The following PTTG1IP variants were observed in gnomAD, a reference collection of about 807,000 sequenced individuals.
The protein encoded by PTTG1IP is PTTG1 interacting protein.
PTTG1IP carries 16 observed loss-of-function variants against 24.4 expected under a neutral mutation model. That is an observed-to-expected ratio of 0.66 (90% confidence interval 0.44 to 1.00). The LOEUF is 1.00. Among genes scored for constraint, PTTG1IP ranks in the 50% least tolerant of loss-of-function variants. PTTG1IP has a pLI of 0.00. For missense variants in PTTG1IP, 241 were observed against 245.8 expected (o/e 0.98, Z 0.13); for synonymous variants, 89 against 96.8 (o/e 0.92, Z 0.47).
intron 1 of PTTG1IP, among the ~76,000 whole-genome samples, chr21:44,872,082 A>G (rs555323939): frequency 6.6e-6 from 1 of 152,308 alleles, no homozygotes; most frequent in African/African-American, 2.4e-5. Flanking sequence ...CGCTTTCACA[A>G]TGCAAGCAAA....
chr21:44,873,565 CGAG>C lies in PTTG1IP; in HGVS notation c.49_51del (p.Leu17del), dbSNP rs1569329176. ...AGCAGCAGGAGCAGCGCGGCGCCAC[CGAG>C]GCGCAACCTCCAGTACGGCGTCGGC... On this transcript the variant is annotated inframe_deletion, in exon 1 of 6. Transcript: ENST00000330938. 6.8e-7 allele frequency: 1 copy of C among 1,472,614 alleles called. No individual in the cohort carries two copies. Among genetic ancestry groups the C allele is most frequent in the Non-Finnish European group, 8.9e-7 (1 of 1,117,678 alleles). 91.2% of individuals were successfully genotyped at this position (1,472,614 alleles called of 1,614,324 possible). A position where few individuals can be genotyped will look rare whatever the true frequency, so the allele number is the denominator to read the frequency against.
At chr21:44,853,558 A>T (rs2083426379) in intron 5 of PTTG1IP, among the ~76,000 whole-genome samples, 1 of 150,954 alleles carries the variant, frequency 6.6e-6, no homozygotes, top group South Asian at 2.1e-4. Context: ...TGACTCTTCC[A>T]TTTCAAGGAA....
At chr21:44,872,823 T>C (rs235371) in intron 1 of PTTG1IP, 102,207 of 152,320 alleles carry the variant, frequency 0.67, 34,767 homozygotes, top group African/African-American at 0.78. Context: ...CAGGGCCTGG[T>C]GCAGACGGGA....
chr21:44,853,979 G>C (rs571688220), intron 5 of PTTG1IP, among the ~76,000 whole-genome samples: 3 of 152,324 alleles, frequency 2.0e-5, no homozygotes, highest in African/African-American at 7.2e-5. Context: ...TTTCCAAGGA[G>C]GCCAGAACTG....
chr21:44,854,627 A>C (rs57679630), intron 5 of PTTG1IP, among the ~76,000 whole-genome samples: 1 of 152,262 alleles, frequency 6.6e-6, no homozygotes, highest in Non-Finnish European at 1.5e-5. Context: ...TAGATAACGT[A>C]ATGTGTATTT....
intron 2 of PTTG1IP, among the ~76,000 whole-genome samples, chr21:44,862,146 G>A (rs566015054): frequency 2.0e-5 from 3 of 152,356 alleles, no homozygotes; most frequent in African/African-American, 7.2e-5. Flanking sequence ...AACGAGGCCC[G>A]AAAGCGGTCT....
At chr21:44,865,609 A>G (rs533248361) in intron 1 of PTTG1IP, 162 bp from the exon 2 acceptor site, 175 of 702,436 alleles carry the variant, frequency 2.5e-4, no homozygotes, top group African/African-American at 2.5e-3. Context: ...GCTGATAACA[A>G]GCCTTCTTCA....
intron 3 of PTTG1IP, among the ~76,000 whole-genome samples, chr21:44,858,878 T>C (rs2083468994): frequency 6.6e-6 from 1 of 152,052 alleles, no homozygotes; most frequent in Non-Finnish European, 1.5e-5. Flanking sequence ...ACCCTAAACA[T>C]TGGGAAGGAT....
At chr21:44,865,670 A>G in intron 1 of PTTG1IP, 2 of 606,652 alleles carry the variant, frequency 3.3e-6, no homozygotes, top group East Asian at 2.8e-5. Context: ...GGGCACAAAG[A>G]GTATAAACAT....
intron 3 of PTTG1IP, among the ~76,000 whole-genome samples, chr21:44,857,776 A>G (rs1410657378): frequency 6.6e-6 from 1 of 152,244 alleles, no homozygotes; most frequent in Non-Finnish European, 1.5e-5. Flanking sequence ...TAGTTTGAAA[A>G]TCAGGAATAG....
At chr21:44,870,961 T>C (rs985372839) in intron 1 of PTTG1IP, among the ~76,000 whole-genome samples, 15 of 152,350 alleles carry the variant, frequency 9.8e-5, no homozygotes, top group East Asian at 9.6e-4. Flanking sequence ...TTCCTTGTCA[T>C]GCTCCTGTCA....
intron 2 of PTTG1IP, among the ~76,000 whole-genome samples, chr21:44,862,600 T>C (rs1213988651): frequency 1.3e-5 from 2 of 152,226 alleles, no homozygotes; most frequent in Non-Finnish European, 2.9e-5. Flanking sequence ...GACTGCCTGT[T>C]ACTCCCAATC....
intron 2 of PTTG1IP, chr21:44,861,697 C>G: frequency 2.8e-6 from 2 of 715,592 alleles, no homozygotes; most frequent in Non-Finnish European, 5.2e-6. Context: ...AGACTGGACA[C>G]AACCAGCCGC....
chr21:44,857,546 T>C (rs756119959), intron 3 of PTTG1IP, among the ~76,000 whole-genome samples: 8 of 152,240 alleles, frequency 5.3e-5, no homozygotes, highest in African/African-American at 1.2e-4. Context: ...CAAACTCCCC[T>C]GGGCAGTAGA....
In PTTG1IP at chr21:44,852,160, A is replaced by G. The variant is rs1022879171; in HGVS notation, c.497-533T>C. Reference sequence around the variant, plus strand: ...CTTCACACTGCAGAAACACACACACATACACACACTCTCTCTCCCTTTATT... The same window carrying G: ...CTTCACACTGCAGAAACACACACACGTACACACACTCTCTCTCCCTTTATT... On this transcript the variant is annotated intron_variant, in intron 5 of 5. Transcript: ENST00000330938. 5.9e-5 allele frequency among the ~76,000 whole-genome samples: 9 copies of G among 152,144 alleles called. No individual in the cohort carries two copies. The East Asian group carries it at 1.2e-3, about 20-fold the overall frequency.
chr21:44,849,707 AAGCAGAT>A lies in PTTG1IP; in HGVS notation c.*1867_*1873del, dbSNP rs2083397781. ...GCTGCTCTTAGTGTATTTCAGAAAA[AAGCAGAT>A]GGACGAAGACCGACCTTACAGACGT... On this transcript the variant is annotated 3_prime_UTR_variant, in exon 6 of 6. Transcript: ENST00000330938. The A allele has an allele frequency of 6.6e-6, 1 of 152,544 alleles. No individual in the cohort carries two copies. Among genetic ancestry groups the A allele is most frequent in the Admixed American group, 6.5e-5 (1 of 15,286 alleles). 9.4% of individuals were successfully genotyped at this position (152,544 alleles called of 1,614,324 possible). A position where few individuals can be genotyped will look rare whatever the true frequency, so the allele number is the denominator to read the frequency against.
chr21:44,851,517 G>T lies in PTTG1IP; in HGVS notation c.*64C>A. The T allele has an allele frequency of 1.2e-6, 2 of 1,613,956 alleles. No individual in the cohort carries two copies. Among genetic ancestry groups the T allele is most frequent in the Non-Finnish European group, 1.7e-6 (2 of 1,179,918 alleles). On this transcript the variant is annotated 3_prime_UTR_variant, in exon 6 of 6. Coordinates refer to ENST00000330938, the MANE Select transcript of PTTG1IP (RefSeq NM_004339.4). ...GACCGCAATGGCCACGTGGTCTCCC[G>T]GCTGGGCTGGGCTGCGGAGCGTGCA... is the stretch of plus-strand genomic sequence containing the variant.
intron 1 of PTTG1IP, among the ~76,000 whole-genome samples, chr21:44,867,438 C>T (rs1220106551): frequency 6.7e-6 from 1 of 149,248 alleles, no homozygotes; most frequent in South Asian, 2.1e-4. Context: ...GACGGCCATG[C>T]GTGGGGGAGG....
At chr21:44,868,288 G>A (rs1047846028) in intron 1 of PTTG1IP, among the ~76,000 whole-genome samples, 3 of 152,212 alleles carry the variant, frequency 2.0e-5, no homozygotes, top group Non-Finnish European at 4.4e-5. Flanking sequence ...GACCCCCGTG[G>A]TGCTGCAATG....
Sources: gnomAD v4.1 joint callset for allele counts (sites outside exome capture counted in the v4.1 genomes callset) on GRCh38, gnomAD v4.1.1 for gene constraint, MANE v1.5 for transcripts, NCBI Gene and HGNC (gene_info 2026-07-23, HGNC 2026-07-21) for gene names.